The following PSMD1 variants were observed in gnomAD, a reference collection of about 807,000 sequenced individuals.
PSMD1 encodes the protein proteasome 26S subunit, non-ATPase 1.
A neutral mutation model predicts 119.0 loss-of-function variants in PSMD1; 18 were observed. The ratio of observed to expected loss-of-function variants is 0.15; its 90% CI spans 0.10 to 0.22. The LOEUF is 0.22. PSMD1 is among the 10% of genes least tolerant of loss of function. PSMD1 has a pLI of 1.00. For synonymous variants in PSMD1, 374 were observed against 396.6 expected, an observed-to-expected ratio of 0.94 and a Z score of 0.68; for missense variants, 702 against 1,158.5, an observed-to-expected ratio of 0.61 and a Z score of 5.72.
In PSMD1 at chr2:231,083,828, T is replaced by C. The variant is rs533388116; in HGVS notation, c.1722+65T>C. 6.1e-6 allele frequency: 9 copies of C among 1,485,014 alleles called. No individual in the cohort carries two copies. In the Admixed American group the frequency reaches 1.6e-4, roughly 27 times the overall value. The allele number at this position is 1,485,014 out of a possible 1,614,324, so 92.0% of individuals were successfully genotyped here. The stretch of plus-strand genomic sequence containing the variant: ...GCATGTAAAAAACACTTAACTTCAC[T>C]GGAAATTAACTCTGTTCCCATCAGA... On this transcript the variant is annotated intron_variant, in intron 14 of 24. Coordinates refer to ENST00000308696, the MANE Select transcript of PSMD1 (RefSeq NM_002807.4).
At chr2:231,115,930 GA>G (rs1391337364) in intron 16 of PSMD1, among the ~76,000 whole-genome samples, 3 of 152,104 alleles carry the variant, frequency 2.0e-5, no homozygotes, top group Admixed American at 6.6e-5. Flanking sequence ...TAACATTTGA[GA>G]AGCAGTGCTT....
At chr2:231,144,255 T>G (rs1322414476) in intron 17 of PSMD1, among the ~76,000 whole-genome samples, 1 of 148,934 alleles carries the variant, frequency 6.7e-6, no homozygotes, top group East Asian at 1.9e-4. Context: ...TTGTTTCCTT[T>G]TTTTTTTTTT....
intron 19 of PSMD1, among the ~76,000 whole-genome samples, chr2:231,157,939 T>C (rs1696550788): frequency 4.6e-5 from 7 of 152,132 alleles, no homozygotes; most frequent in Admixed American, 4.6e-4. Context: ...TTTTCACTTT[T>C]TAATATCCTA....
intron 21 of PSMD1, among the ~76,000 whole-genome samples, chr2:231,164,763 A>G (rs1342386340): frequency 6.6e-6 from 1 of 151,980 alleles, no homozygotes; most frequent in Non-Finnish European, 1.5e-5. Flanking sequence ...CATATAGTCC[A>G]GAGAGGATAT....
intron 16 of PSMD1, among the ~76,000 whole-genome samples, chr2:231,096,592 G>A (rs1053605684): frequency 1.3e-5 from 2 of 152,088 alleles, no homozygotes; most frequent in Non-Finnish European, 2.9e-5. Context: ...ATAAAGTTTC[G>A]GTGCCACAAA....
intron 19 of PSMD1, among the ~76,000 whole-genome samples, chr2:231,155,945 C>T (rs1696474719): frequency 6.6e-6 from 1 of 151,928 alleles, no homozygotes; most frequent in African/African-American, 2.4e-5. Context: ...TGTAGGTTTC[C>T]ATAGTTTCTC....
intron 8 of PSMD1, 25 bp from the exon 9 acceptor site, chr2:231,077,009 A>AT (rs759314082): frequency 4.6e-3 from 6,186 of 1,350,362 alleles, no homozygotes; most frequent in Admixed American, 8.9e-3. Context: ...ATGAGTTTTC[A>AT]TTTTTTTTTT....
chr2:231,128,015 A>G (rs761865192), intron 16 of PSMD1, among the ~76,000 whole-genome samples: 28 of 152,174 alleles, frequency 1.8e-4, no homozygotes, highest in Non-Finnish European at 3.5e-4. Flanking sequence ...TTTTTAATTT[A>G]TTGAGCAGAT....
At chr2:231,092,569 T>C (rs1574722500) in intron 16 of PSMD1, among the ~76,000 whole-genome samples, 1 of 152,120 alleles carries the variant, frequency 6.6e-6, no homozygotes, top group East Asian at 1.9e-4. Context: ...GGATATCCCG[T>C]CCCTCCATCG....
chr2:231,075,722 T>C, intron 8 of PSMD1, 151 bp downstream of exon 8: 1 of 646,960 alleles, frequency 1.5e-6, no homozygotes, highest in East Asian at 2.9e-5. Flanking sequence ...TGGCTGGGAT[T>C]GCAGGCATGT....
chr2:231,065,233 G>A (rs762189374), intron 4 of PSMD1, among the ~76,000 whole-genome samples: 7 of 151,480 alleles, frequency 4.6e-5, no homozygotes, highest in Non-Finnish European at 8.8e-5. Context: ...GATAATTAAT[G>A]TATATGTCAT....
At chr2:231,139,804 G>T (rs1228649884) in intron 17 of PSMD1, among the ~76,000 whole-genome samples, 2 of 152,066 alleles carry the variant, frequency 1.3e-5, no homozygotes, top group African/African-American at 4.8e-5. Flanking sequence ...AGGTAACCTG[G>T]TATTTGTTAA....
intron 7 of PSMD1, among the ~76,000 whole-genome samples, chr2:231,073,445 G>A (rs1694086617): frequency 6.6e-6 from 1 of 152,060 alleles, no homozygotes; most frequent in African/African-American, 2.4e-5. Context: ...GCTAAGTCTT[G>A]CAGTCAGGTA....
At chr2:231,060,410 A>T (rs894105810) in intron 1 of PSMD1, 7 of 152,206 alleles carry the variant, frequency 4.6e-5, no homozygotes, top group Non-Finnish European at 8.8e-5. Flanking sequence ...CACAGTTTCA[A>T]CTCGGTGTTC....
At chr2:231,117,903 A>C (rs1235125065) in intron 16 of PSMD1, among the ~76,000 whole-genome samples, 1 of 152,156 alleles carries the variant, frequency 6.6e-6, no homozygotes, top group African/African-American at 2.4e-5. Flanking sequence ...GAACAGTTAC[A>C]TGGGGTTATT....
At chr2:231,123,481 G>A (rs1382069990) in intron 16 of PSMD1, 4 of 1,613,912 alleles carry the variant, frequency 2.5e-6, no homozygotes, top group Non-Finnish European at 3.4e-6. Context: ...CACCGCCAAG[G>A]ACATTAGAAA....
At chr2:231,157,217 G>A (rs1395324318) in intron 19 of PSMD1, among the ~76,000 whole-genome samples, 1 of 151,666 alleles carries the variant, frequency 6.6e-6, no homozygotes, top group Non-Finnish European at 1.5e-5. Flanking sequence ...AGACTGCTCT[G>A]GGCACACTAC....
chr2:231,131,832 A>G (rs1446464204), intron 16 of PSMD1, among the ~76,000 whole-genome samples: 1 of 152,114 alleles, frequency 6.6e-6, no homozygotes, highest in African/African-American at 2.4e-5. Context: ...AAACATTGAA[A>G]TAAACATATA....
intron 17 of PSMD1, among the ~76,000 whole-genome samples, chr2:231,143,782 A>T (rs1240770334): frequency 2.0e-5 from 3 of 152,204 alleles, no homozygotes; most frequent in Non-Finnish European, 2.9e-5. Context: ...GAACTCCCAA[A>T]CTTATTTATT....
Sources: gnomAD v4.1 joint callset for allele counts (sites outside exome capture counted in the v4.1 genomes callset) on GRCh38, gnomAD v4.1.1 for gene constraint, MANE v1.5 for transcripts, NCBI Gene and HGNC (gene_info 2026-07-23, HGNC 2026-07-21) for gene names.